The following BAZ1A variants were observed in gnomAD, a reference collection of about 807,000 sequenced individuals.
BAZ1A encodes bromodomain adjacent to zinc finger domain protein 1A.
Under a neutral mutation model 185.2 loss-of-function variants are expected in BAZ1A, and 50 were observed. That is an observed-to-expected ratio of 0.27 (90% CI 0.22 to 0.34). The LOEUF is 0.34. Ranked by LOEUF, BAZ1A falls within the 10% of genes least tolerant of loss-of-function variation. BAZ1A has a pLI of 1.00. For missense variants in BAZ1A, 1,356 were observed against 1,839.9 expected, an observed-to-expected ratio of 0.74 and a Z score of 4.81; for synonymous variants, 571 against 615.6, an observed-to-expected ratio of 0.93 and a Z score of 1.07.
At chr14:34,864,089 T>C (rs1291183472) in intron 2 of BAZ1A, among the ~76,000 whole-genome samples, 2 of 151,976 alleles carry the variant, frequency 1.3e-5, no homozygotes, top group Admixed American at 1.3e-4. Context: ...TCCCAAAGTG[T>C]TAAGATTATA....
chr14:34,866,502 A>AG (rs1555346063), intron 2 of BAZ1A, among the ~76,000 whole-genome samples: 1 of 79,538 alleles, frequency 1.3e-5, no homozygotes, highest in African/African-American at 3.8e-5. Flanking sequence ...AAAAAAAAAA[A>AG]GAAAAAAGTT....
rs1207322059 is a variant in BAZ1A at position 34,755,047 on chromosome 14, C to T, written c.4387-133G>A. 1.0e-5 allele frequency: 6 copies of T among 572,596 alleles called. No homozygotes were observed. The South Asian group carries it at 1.4e-4, about 13-fold the overall frequency. 35.5% of individuals were successfully genotyped at this position (572,596 alleles called of 1,614,324 possible). A position where few individuals can be genotyped will look rare whatever the true frequency, so the allele number is the denominator to read the frequency against. Reference sequence around the variant, plus strand: ...ATATGGTCTTGCTCATGACTCTCTCCTCTCTATATAGATATATATGTCTAT... The same window carrying T: ...ATATGGTCTTGCTCATGACTCTCTCTTCTCTATATAGATATATATGTCTAT... On this transcript the variant is annotated intron_variant, in intron 25 of 26. Transcript: ENST00000360310.
At chr14:34,758,259 C>A (rs993404974) in intron 25 of BAZ1A, among the ~76,000 whole-genome samples, 1 of 151,534 alleles carries the variant, frequency 6.6e-6, no homozygotes, top group African/African-American at 2.4e-5. Flanking sequence ...CCGGCCTGGG[C>A]GACAGAAACC....
chr14:34,761,109 C>T (rs926377712), intron 24 of BAZ1A, among the ~76,000 whole-genome samples: 36 of 151,534 alleles, frequency 2.4e-4, no homozygotes, highest in African/African-American at 6.6e-4. Context: ...TGAAACCAGC[C>T]GTCTCTACTA....
chr14:34,788,442 T>A (rs1405499607), intron 12 of BAZ1A, among the ~76,000 whole-genome samples: 2 of 152,214 alleles, frequency 1.3e-5, no homozygotes, highest in Non-Finnish European at 2.9e-5. Flanking sequence ...TAGCTGGGAC[T>A]ACAGGCGCAT....
chr14:34,811,809 A>G (rs917556055), intron 4 of BAZ1A, among the ~76,000 whole-genome samples: 1 of 152,206 alleles, frequency 6.6e-6, no homozygotes, highest in Non-Finnish European at 1.5e-5. Flanking sequence ...TTTAAAGAGT[A>G]AAAAATAAAA....
chr14:34,786,862 C>T (rs909222469), intron 12 of BAZ1A, among the ~76,000 whole-genome samples: 4 of 151,728 alleles, frequency 2.6e-5, no homozygotes, highest in African/African-American at 7.3e-5. Flanking sequence ...CCCACCTCAG[C>T]CTCCCAAAGT....
chr14:34,845,270 T>A (rs2042491011), intron 3 of BAZ1A: 1 of 86,002 alleles, frequency 1.2e-5, no homozygotes, highest in South Asian at 4.3e-4. Context: ...TTCTTCAACT[T>A]TTTCTTTTTT....
chr14:34,761,169 C>T (rs1041372021), intron 24 of BAZ1A, among the ~76,000 whole-genome samples: 6 of 151,624 alleles, frequency 4.0e-5, no homozygotes, highest in Non-Finnish European at 2.9e-5. Context: ...TCCTGCTACT[C>T]GAGAGGCTGA....
At chr14:34,818,826 T>C (rs1221811317) in intron 4 of BAZ1A, among the ~76,000 whole-genome samples, 1 of 151,900 alleles carries the variant, frequency 6.6e-6, no homozygotes, top group Non-Finnish European at 1.5e-5. Flanking sequence ...TATGCTGAGG[T>C]TGCTAAATTA....
At chr14:34,811,118 A>G in intron 4 of BAZ1A, 82 bp from the exon 5 acceptor site, 2 of 977,202 alleles carry the variant, frequency 2.0e-6, no homozygotes, top group Non-Finnish European at 1.5e-6. Flanking sequence ...TTCTAAGAAT[A>G]TACTATAATA....
intron 3 of BAZ1A, among the ~76,000 whole-genome samples, chr14:34,836,855 A>G (rs1374705127): frequency 6.6e-6 from 1 of 152,056 alleles, no homozygotes; most frequent in Non-Finnish European, 1.5e-5. Context: ...TGTCAATGAG[A>G]AAAAAGGAAA....
intron 20 of BAZ1A, among the ~76,000 whole-genome samples, chr14:34,773,231 A>C (rs1456138002): frequency 6.6e-6 from 1 of 152,196 alleles, no homozygotes; most frequent in Non-Finnish European, 1.5e-5. Flanking sequence ...CAAGTCTACC[A>C]GAATTTACTA....
intron 3 of BAZ1A, among the ~76,000 whole-genome samples, chr14:34,846,826 G>A (rs919241671): frequency 2.0e-5 from 3 of 152,022 alleles, no homozygotes; most frequent in Non-Finnish European, 2.9e-5. Context: ...AGATTCCAGA[G>A]AAAGAACAGT....
intron 3 of BAZ1A, among the ~76,000 whole-genome samples, chr14:34,827,887 T>C (rs2042186199): frequency 6.6e-6 from 1 of 152,190 alleles, no homozygotes; most frequent in Non-Finnish European, 1.5e-5. Flanking sequence ...TTCTGATCTC[T>C]GGAAAGCTTC....
chr14:34,813,846 T>A (rs1196244236), intron 4 of BAZ1A, among the ~76,000 whole-genome samples: 1 of 151,864 alleles, frequency 6.6e-6, no homozygotes, highest in Non-Finnish European at 1.5e-5. Flanking sequence ...AGTTTGCGAC[T>A]AGCCTGGCCA....
chr14:34,800,477 A>G, intron 8 of BAZ1A, 87 bp from the exon 9 acceptor site: 2 of 1,104,418 alleles, frequency 1.8e-6, no homozygotes. Flanking sequence ...AATCCTTGAA[A>G]TAATTTAAAG....
chr14:34,815,325 C>G (rs1316511662), intron 4 of BAZ1A, among the ~76,000 whole-genome samples: 2 of 152,118 alleles, frequency 1.3e-5, no homozygotes, highest in Non-Finnish European at 2.9e-5. Flanking sequence ...AGAAAAACTG[C>G]TTCTTATAAT....
At chr14:34,825,937 C>G in intron 4 of BAZ1A, 76 bp downstream of exon 4, 8 of 1,253,078 alleles carry the variant, frequency 6.4e-6, no homozygotes, top group Non-Finnish European at 8.5e-6. Flanking sequence ...AACTCTATCT[C>G]AAAAAAAAAG....
Sources: gnomAD v4.1 joint callset for allele counts (sites outside exome capture counted in the v4.1 genomes callset) on GRCh38, gnomAD v4.1.1 for gene constraint, MANE v1.5 for transcripts, NCBI Gene and HGNC (gene_info 2026-07-23, HGNC 2026-07-21) for gene names.